Variants in NRXN3 observed in about 807,000 individuals in gnomAD.
NRXN3 encodes neurexin III.
NRXN3 carries 32 observed loss-of-function variants against 137.6 expected under a neutral mutation model. The ratio of observed to expected loss-of-function variants is 0.23; its 90% CI spans 0.18 to 0.31. The LOEUF is 0.31. Among genes scored for constraint, NRXN3 ranks in the 10% least tolerant of loss-of-function variants. The pLI is 1.00. For missense variants in NRXN3, 1,574 were observed against 2,062.5 expected, an observed-to-expected ratio of 0.76 and a Z score of 4.59; for synonymous variants, 798 against 784.5, an observed-to-expected ratio of 1.02 and a Z score of -0.29.
intron 15 of NRXN3, among the ~76,000 whole-genome samples, chr14:79,196,734 A>G (rs977610154): frequency 6.6e-6 from 1 of 151,596 alleles, no homozygotes; most frequent in Admixed American, 6.6e-5. Flanking sequence ...CTGTTGTATG[A>G]AAAAAAAGAA....
intron 17 of NRXN3, among the ~76,000 whole-genome samples, chr14:79,690,884 A>G (rs1212073770): frequency 6.6e-6 from 1 of 152,020 alleles, no homozygotes; most frequent in East Asian, 1.9e-4. Flanking sequence ...AATATTCTTT[A>G]TGGCTTTTAG....
chr14:78,351,782 CTT>C lies in NRXN3; in HGVS notation c.757+53937_757+53938del, dbSNP rs11423743. On this transcript the variant is annotated intron_variant, in intron 4 of 20. Coordinates refer to ENST00000335750, the MANE Select transcript of NRXN3 (RefSeq NM_001330195.2). The stretch of plus-strand genomic sequence containing the variant: ...TGTCATTTAACTTTTTGGTATTTTT[CTT>C]TTTTTTTTTTTTTTGCCAAAAAGAG... Among the ~76,000 whole-genome samples the C allele has an allele frequency of 9.9e-3, 1,263 of 127,810 alleles. 36 individuals are homozygous for C. The highest frequency in any genetic ancestry group is 0.091 in the East Asian group (417 of 4,562). The allele number at this position is 127,810 out of a possible 152,430, so 83.8% of individuals were successfully genotyped here. A position where few individuals can be genotyped will look rare whatever the true frequency, so the allele number is the denominator to read the frequency against.
chr14:79,800,080 G>C (rs2099172850), intron 19 of NRXN3, among the ~76,000 whole-genome samples: 1 of 152,146 alleles, frequency 6.6e-6, no homozygotes, highest in Non-Finnish European at 1.5e-5. Context: ...ATGCTTCCTT[G>C]AATAACTTAT....
chr14:78,742,130 G>A (rs977016049), intron 8 of NRXN3, among the ~76,000 whole-genome samples: 5 of 152,106 alleles, frequency 3.3e-5, no homozygotes, highest in African/African-American at 9.7e-5. Flanking sequence ...GGCTTCCCAC[G>A]GAAACTAATG....
intron 6 of NRXN3, among the ~76,000 whole-genome samples, chr14:78,657,174 G>A (rs1041442390): frequency 6.6e-6 from 1 of 150,746 alleles, no homozygotes; most frequent in Non-Finnish European, 1.5e-5. Flanking sequence ...TCCCATTTCA[G>A]TTTCCAAAAA....
intron 4 of NRXN3, among the ~76,000 whole-genome samples, chr14:78,580,897 G>A (rs986897955): frequency 2.6e-5 from 4 of 152,198 alleles, no homozygotes; most frequent in African/African-American, 9.7e-5. Flanking sequence ...TACATCCTTA[G>A]TCCTTGAAAA....
chr14:79,314,685 G>C (rs921104308), intron 15 of NRXN3, among the ~76,000 whole-genome samples: 1 of 141,222 alleles, frequency 7.1e-6, no homozygotes, highest in Non-Finnish European at 1.5e-5. Context: ...TTTGAAGAGA[G>C]CAGTGGTTCT....
intron 10 of NRXN3, among the ~76,000 whole-genome samples, chr14:78,888,813 G>A (rs1209949725): frequency 7.0e-6 from 1 of 142,840 alleles, no homozygotes; most frequent in African/African-American, 2.7e-5. Context: ...TACCTGTGGG[G>A]ACTTACAGTC....
intron 16 of NRXN3, among the ~76,000 whole-genome samples, chr14:79,622,408 G>A (rs746310971): frequency 6.6e-5 from 10 of 152,154 alleles, no homozygotes; most frequent in East Asian, 1.9e-4. Flanking sequence ...CATGGCTTTC[G>A]GCATTTCTTA....
At chr14:78,535,578 A>G (rs1175300972) in intron 4 of NRXN3, among the ~76,000 whole-genome samples, 1 of 152,206 alleles carries the variant, frequency 6.6e-6, no homozygotes, top group Non-Finnish European at 1.5e-5. Context: ...AAGGCCTAGC[A>G]TGTAGCCAGG....
At chr14:79,330,872 G>A (rs2091577887) in intron 15 of NRXN3, among the ~76,000 whole-genome samples, 1 of 152,226 alleles carries the variant, frequency 6.6e-6, no homozygotes, top group Non-Finnish European at 1.5e-5. Flanking sequence ...AAATAAATGT[G>A]TGAAATAAAT....
At chr14:78,336,730 C>G (rs1313500060) in intron 4 of NRXN3, among the ~76,000 whole-genome samples, 1 of 152,056 alleles carries the variant, frequency 6.6e-6, no homozygotes, top group Non-Finnish European at 1.5e-5. Flanking sequence ...TTTCAGCTCC[C>G]AGCATGTTCA....
intron 10 of NRXN3, among the ~76,000 whole-genome samples, chr14:78,947,440 G>A (rs879158372): frequency 6.6e-6 from 1 of 152,128 alleles, no homozygotes; most frequent in African/African-American, 2.4e-5. Context: ...TATACATAAA[G>A]TCCCCCATCC....
chr14:78,720,061 A>G, intron 8 of NRXN3, among the ~76,000 whole-genome samples: 1 of 151,994 alleles, frequency 6.6e-6, no homozygotes, highest in South Asian at 2.1e-4. Flanking sequence ...CTTCATATAT[A>G]CTGTTATATA....
intron 4 of NRXN3, among the ~76,000 whole-genome samples, chr14:78,584,819 T>C (rs896990881): frequency 3.3e-5 from 5 of 152,238 alleles, no homozygotes; most frequent in Admixed American, 1.3e-4. Flanking sequence ...TTTGTGTAAC[T>C]TTCAGCAAGT....
intron 19 of NRXN3, among the ~76,000 whole-genome samples, chr14:79,800,898 T>A (rs986556957): frequency 6.6e-6 from 1 of 152,208 alleles, no homozygotes; most frequent in African/African-American, 2.4e-5. Context: ...TGGTTTGTAA[T>A]GTTTGGATTT....
At chr14:78,708,368 T>C (rs757967613) in intron 6 of NRXN3, 1 of 152,216 alleles carries the variant, frequency 6.6e-6, no homozygotes. Flanking sequence ...CTTGACTGAC[T>C]GGCTGAAATA....
chr14:79,508,389 G>GTTTTTTTTTTTTTTTTT (rs1567328889), intron 16 of NRXN3, among the ~76,000 whole-genome samples: 10 of 12,542 alleles, frequency 8.0e-4, no homozygotes, highest in South Asian at 4.2e-3. Flanking sequence ...AACAATAACT[G>GTTTTTTTTTTTTTTTTT]ATTTTTTTTT....
At chr14:78,824,831 A>G (rs2098961658) in intron 10 of NRXN3, among the ~76,000 whole-genome samples, 1 of 152,230 alleles carries the variant, frequency 6.6e-6, no homozygotes, top group Admixed American at 6.5e-5. Flanking sequence ...TTGTAACACA[A>G]AGAAATGGTA....
Sources: allele counts gnomAD v4.1 joint callset (sites outside exome capture counted in the v4.1 genomes callset), GRCh38; gene constraint gnomAD v4.1.1; transcripts MANE v1.5; gene names NCBI Gene and HGNC (gene_info 2026-07-23, HGNC 2026-07-21).